The following NELL1 variants were observed in gnomAD, a reference collection of about 807,000 sequenced individuals.
The protein encoded by NELL1 is neural EGFL like 1.
In NELL1, 76 loss-of-function variants were observed where a neutral mutation model predicts 107.4. That is an observed-to-expected ratio of 0.71 (90% CI 0.59 to 0.86). NELL1 has a LOEUF of 0.86. NELL1 is among the 40% of genes least tolerant of loss of function. The pLI, the probability that NELL1 is intolerant of heterozygous loss-of-function variation, is 0.00. For synonymous variants in NELL1, 353 were observed against 341.2 expected (o/e 1.03, Z -0.38); for missense variants, 1,024 against 1,005.5 (o/e 1.02, Z -0.25).
At chr11:21,386,430 A>G (rs1329686630) in intron 15 of NELL1, among the ~76,000 whole-genome samples, 1 of 151,842 alleles carries the variant, frequency 6.6e-6, no homozygotes, top group Non-Finnish European at 1.5e-5. Context: ...GGTTCATTTC[A>G]GGAAGATAAG....
At chr11:21,026,485 C>T (rs950168126) in intron 12 of NELL1, among the ~76,000 whole-genome samples, 5 of 152,112 alleles carry the variant, frequency 3.3e-5, no homozygotes, top group Admixed American at 6.6e-5. Context: ...GATTCCCATT[C>T]GCCATCCCCC....
chr11:20,984,726 C>G (rs1195441864), intron 12 of NELL1, among the ~76,000 whole-genome samples: 1 of 151,970 alleles, frequency 6.6e-6, no homozygotes, highest in Non-Finnish European at 1.5e-5. Context: ...TCTTGGTGGT[C>G]TCTGCAGAAT....
intron 13 of NELL1, among the ~76,000 whole-genome samples, chr11:21,187,271 G>A (rs1400271817): frequency 6.6e-6 from 1 of 151,802 alleles, no homozygotes; most frequent in Non-Finnish European, 1.5e-5. Flanking sequence ...AAAGAAGACA[G>A]GAGAACATGA....
chr11:21,358,309 T>C (rs576329156), intron 14 of NELL1, among the ~76,000 whole-genome samples: 1 of 152,310 alleles, frequency 6.6e-6, no homozygotes, highest in African/African-American at 2.4e-5. Context: ...TTGTGTCATC[T>C]ATAATTTCTT....
chr11:21,498,930 T>C (rs1199549540), intron 15 of NELL1, among the ~76,000 whole-genome samples: 1 of 152,096 alleles, frequency 6.6e-6, no homozygotes, highest in Non-Finnish European at 1.5e-5. Flanking sequence ...TTGATCATTC[T>C]GTTTATTTCC....
intron 14 of NELL1, among the ~76,000 whole-genome samples, chr11:21,311,669 T>G (rs952276026): frequency 8.5e-5 from 13 of 152,126 alleles, no homozygotes; most frequent in African/African-American, 3.1e-4. Flanking sequence ...CTGAACATTT[T>G]CATAAAAAGA....
chr11:21,556,415 A>G (rs1218242862), intron 16 of NELL1, among the ~76,000 whole-genome samples: 1 of 152,038 alleles, frequency 6.6e-6, no homozygotes, highest in South Asian at 2.1e-4. Context: ...GATTTCTGAA[A>G]TCAACCTGTA....
intron 2 of NELL1, among the ~76,000 whole-genome samples, chr11:20,684,234 C>CT (rs1854254439): frequency 6.6e-6 from 1 of 151,268 alleles, no homozygotes; most frequent in Non-Finnish European, 1.5e-5. Context: ...TAGTGAGACC[C>CT]TCATCTCTAC....
chr11:20,720,205 T>TTG (rs1289275919), intron 2 of NELL1, among the ~76,000 whole-genome samples: 7 of 150,868 alleles, frequency 4.6e-5, no homozygotes, highest in East Asian at 3.9e-4. Flanking sequence ...CATTCCTGTT[T>TTG]TTTTTTTTTT....
At chr11:21,084,059 G>T (rs191244654) in intron 12 of NELL1, among the ~76,000 whole-genome samples, 3 of 152,086 alleles carry the variant, frequency 2.0e-5, no homozygotes, top group Non-Finnish European at 4.4e-5. Context: ...TACAGTGAGC[G>T]TTCTCATTGT....
intron 12 of NELL1, among the ~76,000 whole-genome samples, chr11:21,017,867 T>C (rs1852605993): frequency 6.6e-6 from 1 of 152,122 alleles, no homozygotes; most frequent in African/African-American, 2.4e-5. Flanking sequence ...AATCAGCTTG[T>C]TGGAATGAAA....
At chr11:21,132,186 TGTG>T (rs1406457746) in intron 13 of NELL1, among the ~76,000 whole-genome samples, 4 of 101,494 alleles carry the variant, frequency 3.9e-5, no homozygotes, top group Non-Finnish European at 8.7e-5. Context: ...CTGTATTTTG[TGTG>T]TGTGTGTGTG....
chr11:20,989,425 G>A (rs1851924174), intron 12 of NELL1, among the ~76,000 whole-genome samples: 2 of 152,166 alleles, frequency 1.3e-5, no homozygotes. Flanking sequence ...AGGGTATTGA[G>A]ACTGCTTTGA....
chr11:21,554,281 A>G (rs1301796651), intron 16 of NELL1, among the ~76,000 whole-genome samples: 2 of 151,906 alleles, frequency 1.3e-5, no homozygotes, highest in African/African-American at 2.4e-5. Context: ...AATAAAATGT[A>G]ATTAGTGACC....
intron 12 of NELL1, among the ~76,000 whole-genome samples, chr11:21,051,769 T>A (rs1853498915): frequency 6.6e-6 from 1 of 152,058 alleles, no homozygotes; most frequent in Non-Finnish European, 1.5e-5. Flanking sequence ...TGGCACATTC[T>A]TTCATTCATT....
chr11:20,822,084 A>G (rs1439232965), intron 3 of NELL1, among the ~76,000 whole-genome samples: 2 of 152,186 alleles, frequency 1.3e-5, no homozygotes, highest in Non-Finnish European at 2.9e-5. Flanking sequence ...AGTGTCCCCA[A>G]GTCAGTCTAG....
intron 3 of NELL1, among the ~76,000 whole-genome samples, chr11:20,826,318 C>G (rs146361348): frequency 6.6e-6 from 1 of 151,286 alleles, no homozygotes; most frequent in East Asian, 1.9e-4. Flanking sequence ...AGTCCCATTA[C>G]CTCACTATGC....
At chr11:21,015,237 G>T in intron 12 of NELL1, among the ~76,000 whole-genome samples, 1 of 152,048 alleles carries the variant, frequency 6.6e-6, no homozygotes, top group East Asian at 1.9e-4. Flanking sequence ...CCTGTACAAA[G>T]AATGAACAAG....
chr11:21,189,579 T>C (rs931210909), intron 13 of NELL1, among the ~76,000 whole-genome samples: 17 of 151,842 alleles, frequency 1.1e-4, no homozygotes, highest in African/African-American at 3.6e-4. Context: ...AGAGAGAATA[T>C]CTACTCAGTT....
Sources: gnomAD v4.1 joint callset for allele counts (sites outside exome capture counted in the v4.1 genomes callset) on GRCh38, gnomAD v4.1.1 for gene constraint, MANE v1.5 for transcripts, NCBI Gene and HGNC (gene_info 2026-07-23, HGNC 2026-07-21) for gene names.